Variants in TBL1XR1 observed in about 807,000 individuals in gnomAD.
TBL1XR1 encodes the protein TBL1X/Y related 1.
TBL1XR1 carries 5 observed loss-of-function variants against 66.9 expected under a neutral mutation model. The ratio of observed to expected loss-of-function variants is 0.07; its 90% CI spans 0.04 to 0.16. The LOEUF (loss-of-function observed/expected upper bound fraction) is 0.16, where lower values mean the gene tolerates loss of function less well. Among genes scored for constraint, TBL1XR1 ranks in the 10% least tolerant of loss-of-function variants. The pLI is 1.00. For missense variants in TBL1XR1, 238 were observed against 623.2 expected (o/e 0.38, Z 6.58); for synonymous variants, 210 against 206.0 (o/e 1.02, Z -0.17).
intron 1 of TBL1XR1, among the ~76,000 whole-genome samples, chr3:177,114,235 CAT>C (rs531410429): frequency 1.3e-5 from 2 of 151,080 alleles, no homozygotes; most frequent in South Asian, 2.1e-4. Context: ...ACATACACAT[CAT>C]ATATATATAC....
intron 1 of TBL1XR1, among the ~76,000 whole-genome samples, chr3:177,133,470 A>C (rs1025302639): frequency 2.0e-5 from 3 of 152,174 alleles, no homozygotes; most frequent in African/African-American, 7.2e-5. Context: ...CAATAAACAC[A>C]ATCTATACTA....
intron 3 of TBL1XR1, among the ~76,000 whole-genome samples, chr3:177,056,867 C>A (rs991077421): frequency 6.6e-6 from 1 of 152,136 alleles, no homozygotes; most frequent in Non-Finnish European, 1.5e-5. Flanking sequence ...GCCAGATCTG[C>A]GTTTAGTCCC....
intron 2 of TBL1XR1, among the ~76,000 whole-genome samples, chr3:177,080,536 A>AT (rs781290255): frequency 6.6e-6 from 1 of 152,154 alleles, no homozygotes; most frequent in African/African-American, 2.4e-5. Flanking sequence ...TAATGAGCAT[A>AT]TTTTCCCTAC....
At chr3:177,152,978 T>A (rs1440948673) in intron 1 of TBL1XR1, among the ~76,000 whole-genome samples, 1 of 151,904 alleles carries the variant, frequency 6.6e-6, no homozygotes, top group Non-Finnish European at 1.5e-5. Context: ...CCATCTCTAC[T>A]AAAAATAAAA....
chr3:177,162,986 G>A (rs946556436), intron 1 of TBL1XR1, among the ~76,000 whole-genome samples: 1 of 152,206 alleles, frequency 6.6e-6, no homozygotes, highest in African/African-American at 2.4e-5. Context: ...CAGTCTGGCA[G>A]TCACTACCCT....
At chr3:177,054,188 A>G (rs962585192) in intron 3 of TBL1XR1, among the ~76,000 whole-genome samples, 1 of 152,304 alleles carries the variant, frequency 6.6e-6, no homozygotes, top group East Asian at 1.9e-4. Context: ...AAATTTTCTA[A>G]AATGTCATGG....
intron 12 of TBL1XR1, among the ~76,000 whole-genome samples, chr3:177,034,733 T>C (rs1196638104): frequency 6.6e-6 from 1 of 151,212 alleles, no homozygotes; most frequent in East Asian, 1.9e-4. Context: ...ATAACCAACT[T>C]ATAAATAATG....
At chr3:177,096,764 A>G (rs540213716) in intron 2 of TBL1XR1, among the ~76,000 whole-genome samples, 33 of 152,356 alleles carry the variant, frequency 2.2e-4, no homozygotes, top group African/African-American at 7.2e-4. Context: ...GAAACAGCAG[A>G]TCTAGTGGTT....
At chr3:177,156,919 T>C (rs769685208) in intron 1 of TBL1XR1, among the ~76,000 whole-genome samples, 4 of 152,236 alleles carry the variant, frequency 2.6e-5, no homozygotes, top group Admixed American at 6.5e-5. Context: ...TATCACTTTC[T>C]ACTCTTGCTA....
intron 1 of TBL1XR1, among the ~76,000 whole-genome samples, chr3:177,159,279 AT>A (rs965441980): frequency 6.6e-6 from 1 of 152,186 alleles, no homozygotes; most frequent in African/African-American, 2.4e-5. Context: ...TTGAAATTAT[AT>A]CAATTCTCTA....
intron 14 of TBL1XR1, chr3:177,027,010 T>C (rs1315558745): frequency 6.6e-6 from 1 of 152,602 alleles, no homozygotes; most frequent in Middle Eastern, 3.1e-3. Context: ...TGTTCCTTTT[T>C]TTTCTTTAGA....
chr3:177,048,920 G>C (rs1716675461), intron 7 of TBL1XR1, among the ~76,000 whole-genome samples: 1 of 152,138 alleles, frequency 6.6e-6, no homozygotes, highest in Non-Finnish European at 1.5e-5. Context: ...GCGTAAGAAA[G>C]CTGTAAGATA....
chr3:177,188,154 A>G (rs183097173), intron 1 of TBL1XR1, among the ~76,000 whole-genome samples: 1 of 151,696 alleles, frequency 6.6e-6, no homozygotes, highest in African/African-American at 2.4e-5. Context: ...CTGGTCTCGA[A>G]CTCCTGACCT....
upstream of TBL1XR1, among the ~76,000 whole-genome samples, chr3:177,198,459 G>A (rs1378842455): frequency 6.6e-6 from 1 of 152,210 alleles, no homozygotes; most frequent in African/African-American, 2.4e-5. Flanking sequence ...CTTTTTGCAT[G>A]TGTGAAGCAC....
At chr3:177,091,605 G>A (rs1722852221) in intron 2 of TBL1XR1, among the ~76,000 whole-genome samples, 1 of 152,046 alleles carries the variant, frequency 6.6e-6, no homozygotes. Context: ...AACTTGAAAA[G>A]GCTCTTTTGG....
At chr3:177,048,532 T>C (rs147693525) in intron 7 of TBL1XR1, among the ~76,000 whole-genome samples, 335 of 152,244 alleles carry the variant, frequency 2.2e-3, no homozygotes, top group Middle Eastern at 6.8e-3. Flanking sequence ...GATGTGGCCA[T>C]CCCTTAGGGC....
intron 1 of TBL1XR1, among the ~76,000 whole-genome samples, chr3:177,190,333 T>C (rs1363466457): frequency 1.3e-5 from 2 of 152,030 alleles, no homozygotes; most frequent in Admixed American, 6.6e-5. Context: ...TTTGTGTATG[T>C]GACGGAGTTG....
At chr3:177,127,143 T>TAA (rs1179331629) in intron 1 of TBL1XR1, among the ~76,000 whole-genome samples, 2 of 152,190 alleles carry the variant, frequency 1.3e-5, no homozygotes, top group Non-Finnish European at 2.9e-5. Flanking sequence ...ATTATTACAT[T>TAA]AAAAAACCCT....
chr3:177,053,695 G>A, intron 4 of TBL1XR1, 78 bp downstream of exon 4: 2 of 1,385,366 alleles, frequency 1.4e-6, no homozygotes, highest in Non-Finnish European at 2.0e-6. Context: ...TCAGAATACT[G>A]AATAAGCAAG....
Sources: allele counts gnomAD v4.1 joint callset (sites outside exome capture counted in the v4.1 genomes callset), GRCh38; gene constraint gnomAD v4.1.1; transcripts MANE v1.5; gene names NCBI Gene and HGNC (gene_info 2026-07-23, HGNC 2026-07-21).